Variants in TRMT11 observed in about 807,000 individuals in gnomAD.
TRMT11 encodes tRNA methyltransferase 11.
Under a neutral mutation model 62.8 loss-of-function variants are expected in TRMT11, and 53 were observed. That is an observed-to-expected ratio of 0.84 (90% CI 0.68 to 1.06). TRMT11 has a LOEUF of 1.06. Ranked by LOEUF, TRMT11 falls within the 50% of genes least tolerant of loss-of-function variation. The pLI, the probability that TRMT11 is intolerant of heterozygous loss-of-function variation, is 0.00. For missense variants in TRMT11, 556 were observed against 553.4 expected (o/e 1.00, Z -0.05); for synonymous variants, 188 against 190.3 (o/e 0.99, Z 0.10).
At chr6:126,169,335 G>GA (rs756412024) in intron 21 of TRMT11, among the ~76,000 whole-genome samples, 116 of 152,290 alleles carry the variant, frequency 7.6e-4, no homozygotes, top group Non-Finnish European at 1.0e-3. Context: ...AATTGGAAAT[G>GA]AGCTATGGTT....
Position 126,059,520 on chromosome 6 carries a change from G to A in TRMT11, c.*1437+6330G>A, listed in dbSNP as rs1776470213. 2.0e-5 allele frequency among the ~76,000 whole-genome samples: 3 copies of A among 152,298 alleles called. No individual in the cohort carries two copies. In the South Asian group the frequency reaches 6.2e-4, roughly 32 times the overall value. On this transcript the variant is annotated intron_variant and NMD_transcript_variant, in intron 17 of 22. Coordinates refer to the TRMT11 transcript ENST00000648977. Reference sequence around the variant, plus strand: ...GGAGTGAGAGATTCACTTAGCTGCAGTACTTATATTAATCATTACTAGTAT... The same window carrying A: ...GGAGTGAGAGATTCACTTAGCTGCAATACTTATATTAATCATTACTAGTAT...
chr6:126,232,871 A>G, the TRMT11 span, among the ~76,000 whole-genome samples: 1 of 152,210 alleles, frequency 6.6e-6, no homozygotes, highest in South Asian at 2.1e-4. Context: ...TCCTGTAAGT[A>G]GTCATAATTC....
intron 12 of TRMT11, among the ~76,000 whole-genome samples, chr6:126,038,037 A>G (rs573220722): frequency 6.0e-4 from 92 of 152,108 alleles, no homozygotes; most frequent in African/African-American, 2.1e-3. Flanking sequence ...CCTGCCAGGA[A>G]CCTCAATTTT....
At chr6:126,124,799 C>T (rs1420053520) in intron 21 of TRMT11, among the ~76,000 whole-genome samples, 1 of 152,048 alleles carries the variant, frequency 6.6e-6, no homozygotes, top group African/African-American at 2.4e-5. Context: ...CAGCTAACAC[C>T]ATATTCCTAA....
At chr6:126,253,977 A>G in the TRMT11 span, among the ~76,000 whole-genome samples, 1 of 152,198 alleles carries the variant, frequency 6.6e-6, no homozygotes, top group South Asian at 2.1e-4. Context: ...CCACCACCAC[A>G]TATTTCTCAG....
the TRMT11 span, among the ~76,000 whole-genome samples, chr6:126,213,060 T>A: frequency 6.6e-6 from 1 of 152,120 alleles, no homozygotes; most frequent in African/African-American, 2.4e-5. Context: ...TTGGCATCTT[T>A]GTTGAAAATG....
intron 1 of TRMT11, among the ~76,000 whole-genome samples, chr6:126,194,755 T>C (rs979427301): frequency 1.3e-5 from 2 of 152,286 alleles, no homozygotes; most frequent in East Asian, 1.9e-4. Context: ...TTCAAAACTT[T>C]AGTTATTAGA....
the TRMT11 span, among the ~76,000 whole-genome samples, chr6:126,255,482 A>G: frequency 6.6e-6 from 1 of 152,230 alleles, no homozygotes; most frequent in African/African-American, 2.4e-5. Flanking sequence ...AGTAAATTCC[A>G]ATTTTGAGAC....
At chr6:126,044,398 T>G (rs1371414247) in intron 16 of TRMT11, among the ~76,000 whole-genome samples, 1 of 152,228 alleles carries the variant, frequency 6.6e-6, no homozygotes, top group African/African-American at 2.4e-5. Context: ...GGCTCTGTTC[T>G]GTTCCGTCGA....
At chr6:126,170,924 T>C (rs1301960682) in intron 21 of TRMT11, among the ~76,000 whole-genome samples, 11 of 152,180 alleles carry the variant, frequency 7.2e-5, no homozygotes, top group Admixed American at 7.2e-4. Flanking sequence ...TGTCAATGCC[T>C]TAGAGGTCCC....
intron 21 of TRMT11, among the ~76,000 whole-genome samples, chr6:126,152,802 C>T (rs1357518628): frequency 1.3e-5 from 2 of 152,180 alleles, no homozygotes; most frequent in Non-Finnish European, 2.9e-5. Context: ...TGTGTCAAAA[C>T]TCAGTCTTGA....
At chr6:126,035,080 GC>G (rs1774924981) in intron 12 of TRMT11, among the ~76,000 whole-genome samples, 1 of 151,932 alleles carries the variant, frequency 6.6e-6, no homozygotes, top group Non-Finnish European at 1.5e-5. Context: ...TTTTTTTTTA[GC>G]ATTAAGGTAA....
At chr6:126,229,132 T>C in the TRMT11 span, among the ~76,000 whole-genome samples, 2 of 152,210 alleles carry the variant, frequency 1.3e-5, no homozygotes, top group Non-Finnish European at 2.9e-5. Context: ...GTTACTAAGT[T>C]CTAGAAAACT....
intron 21 of TRMT11, among the ~76,000 whole-genome samples, chr6:126,128,004 G>T (rs1315321662): frequency 6.6e-6 from 1 of 152,004 alleles, no homozygotes; most frequent in Non-Finnish European, 1.5e-5. Flanking sequence ...TCACAATATT[G>T]TACGTGCTTT....
intron 21 of TRMT11, among the ~76,000 whole-genome samples, chr6:126,163,456 A>G (rs537938320): frequency 1.3e-5 from 2 of 152,282 alleles, no homozygotes; most frequent in South Asian, 4.1e-4. Context: ...TTGGTTTGAC[A>G]GTATTTTACT....
At chr6:126,269,377 G>T in the TRMT11 span, among the ~76,000 whole-genome samples, 36 of 146,182 alleles carry the variant, frequency 2.5e-4, no homozygotes, top group African/African-American at 9.2e-4. Flanking sequence ...GTATAAAAAA[G>T]ACATACCAAA....
intron 21 of TRMT11, among the ~76,000 whole-genome samples, chr6:126,165,785 T>A (rs1330178271): frequency 1.3e-5 from 2 of 152,172 alleles, no homozygotes; most frequent in South Asian, 4.1e-4. Context: ...TCAGGGAGTA[T>A]CTTTGTGGTA....
chr6:126,093,654 C>T (rs1436840536), intron 17 of TRMT11, among the ~76,000 whole-genome samples: 1 of 116,260 alleles, frequency 8.6e-6, no homozygotes, highest in East Asian at 2.5e-4. Flanking sequence ...CCTGGAGGAT[C>T]AATTAGGTGC....
At chr6:126,097,464 G>A (rs1035180954) in intron 17 of TRMT11, among the ~76,000 whole-genome samples, 1 of 152,118 alleles carries the variant, frequency 6.6e-6, no homozygotes, top group African/African-American at 2.4e-5. Context: ...AATAAAGGGA[G>A]CATTTTACAT....
Sources: allele counts gnomAD v4.1 joint callset (sites outside exome capture counted in the v4.1 genomes callset), GRCh38; gene constraint gnomAD v4.1.1; transcripts MANE v1.5; gene names NCBI Gene and HGNC (gene_info 2026-07-23, HGNC 2026-07-21).